Variants in FNBP4 observed in about 807,000 individuals in gnomAD.
The protein encoded by FNBP4 is formin binding protein 4.
Under a neutral mutation model 119.3 loss-of-function variants are expected in FNBP4, and 34 were observed. The ratio of observed to expected loss-of-function variants is 0.28; its 90% CI spans 0.22 to 0.38. The LOEUF (loss-of-function observed/expected upper bound fraction) is 0.38. Ranked by LOEUF, FNBP4 falls within the 10% of genes least tolerant of loss-of-function variation. The pLI is 1.00. For missense variants in FNBP4, 1,112 were observed against 1,228.9 expected (o/e 0.90, Z 1.42); for synonymous variants, 462 against 430.6 (o/e 1.07, Z -0.90).
intron 12 of FNBP4, among the ~76,000 whole-genome samples, chr11:47,728,256 ATTTTTT>A (rs1039932845): frequency 6.6e-6 from 1 of 150,970 alleles, no homozygotes; most frequent in Non-Finnish European, 1.5e-5. Context: ...CAAATTCTTA[ATTTTTT>A]TTTAAGACGG....
intron 12 of FNBP4, chr11:47,726,864 A>C (rs529444177): frequency 6.6e-6 from 1 of 152,332 alleles, no homozygotes; most frequent in African/African-American, 2.4e-5. Context: ...AATATAAGTT[A>C]AGATTTTCTC....
chr11:47,746,000 C>A, intron 7 of FNBP4, 56 bp downstream of exon 7: 1 of 1,360,558 alleles, frequency 7.3e-7, no homozygotes, highest in South Asian at 1.4e-5. Context: ...GCACAATGAT[C>A]CCTGTAGAGT....
At chr11:47,759,496 G>A (rs1271823071) in intron 2 of FNBP4, among the ~76,000 whole-genome samples, 1 of 151,972 alleles carries the variant, frequency 6.6e-6, no homozygotes, top group Non-Finnish European at 1.5e-5. Flanking sequence ...TTACAGGCGT[G>A]AACCATGGCG....
At chr11:47,745,342 A>G (rs2097588278) in intron 7 of FNBP4, among the ~76,000 whole-genome samples, 1 of 152,118 alleles carries the variant, frequency 6.6e-6, no homozygotes, top group Non-Finnish European at 1.5e-5. Flanking sequence ...AGCAAGGAAT[A>G]TTAATATTAA....
intron 6 of FNBP4, 21 bp downstream of exon 6, chr11:47,750,895 G>C (rs2097601832): frequency 1.2e-6 from 2 of 1,612,218 alleles, no homozygotes; most frequent in South Asian, 2.2e-5. Flanking sequence ...ATAAACAAAT[G>C]AGGTAAGTTT....
Position 47,767,061 on chromosome 11 carries a change from A to C in FNBP4, c.220+8T>G, listed in dbSNP as rs1015272187. 2 of 1,523,808 alleles carry C rather than the reference A, an allele frequency of 1.3e-6. No homozygotes were observed. The highest frequency in any genetic ancestry group is 1.8e-6 in the Non-Finnish European group (2 of 1,142,326). 94.4% of individuals were successfully genotyped at this position (1,523,808 alleles called of 1,614,324 possible). On this transcript the variant is annotated splice_region_variant and intron_variant, in intron 1 of 16. Coordinates refer to ENST00000263773, the MANE Select transcript of FNBP4 (RefSeq NM_015308.5). The stretch of plus-strand genomic sequence containing the variant: ...AGCTCGAGTTCAGGTCCCCCCGCGC[A>C]CCCTTGCCTTCTGAAGGCGAGTCGT...
At chr11:47,760,029 T>A (rs1236103932) in intron 2 of FNBP4, among the ~76,000 whole-genome samples, 1 of 152,172 alleles carries the variant, frequency 6.6e-6, no homozygotes. Flanking sequence ...AAAGTTTCAA[T>A]CAGGTAAGCT....
Position 47,732,091 on chromosome 11 carries a change from T to C in FNBP4, c.1820+446A>G, listed in dbSNP as rs1358707386. ...GAAAAAAAAATCAAGAAAAGCCAAA[T>C]ATATAAAGAAATGTTTTCATCTGAC... On this transcript the variant is annotated intron_variant, in intron 11 of 16. Coordinates refer to ENST00000263773, the MANE Select transcript of FNBP4 (RefSeq NM_015308.5). The surrounding 1 kb of genome is among the most constrained non-coding windows in gnomAD (Gnocchi z 4.2). 1.2e-5 allele frequency: 12 copies of C among 993,790 alleles called. No individual in the cohort carries two copies. Among genetic ancestry groups the C allele is most frequent in the South Asian group, 4.6e-5 (1 of 21,508 alleles). 61.6% of individuals were successfully genotyped at this position (993,790 alleles called of 1,614,324 possible). A position where few individuals can be genotyped will look rare whatever the true frequency, so the allele number is the denominator to read the frequency against.
intron 15 of FNBP4, among the ~76,000 whole-genome samples, chr11:47,722,533 G>T (rs761873728): frequency 1.3e-5 from 2 of 152,034 alleles, no homozygotes; most frequent in African/African-American, 4.8e-5. Flanking sequence ...CAGCACTTGA[G>T]ACAAACAGAT....
At chr11:47,721,340 T>TCAG (rs2097555459) in intron 15 of FNBP4, among the ~76,000 whole-genome samples, 1 of 151,962 alleles carries the variant, frequency 6.6e-6, no homozygotes, top group South Asian at 2.1e-4. Context: ...ACCTGTAATC[T>TCAG]CAGCACTTTG....
intron 9 of FNBP4, among the ~76,000 whole-genome samples, chr11:47,736,178 T>C (rs922744673): frequency 4.0e-5 from 6 of 148,818 alleles, no homozygotes; most frequent in Admixed American, 4.0e-4. Context: ...GAGGCAGAGG[T>C]TGCAGTGAGC....
At chr11:47,718,904 TG>T (rs1416116391) in intron 16 of FNBP4, among the ~76,000 whole-genome samples, 47 of 132,812 alleles carry the variant, frequency 3.5e-4, no homozygotes, top group Admixed American at 2.3e-3. Flanking sequence ...CCACCCAACA[TG>T]TTTTTTTTTT....
chr11:47,759,505 C>T (rs10742820), intron 2 of FNBP4, among the ~76,000 whole-genome samples: 87,977 of 151,646 alleles, frequency 0.58, 25,802 homozygotes, highest in Admixed American at 0.65. Flanking sequence ...TGAACCATGG[C>T]GCCCGGCCCA....
At chr11:47,719,693 A>C (rs2097553504) in intron 16 of FNBP4, among the ~76,000 whole-genome samples, 1 of 152,082 alleles carries the variant, frequency 6.6e-6, no homozygotes, top group African/African-American at 2.4e-5. Flanking sequence ...ACCAACAATC[A>C]ACTGGACAAA....
chr11:47,767,268 C>A lies in FNBP4; in HGVS notation c.21G>T (p.Ala7=). 3 of 1,542,274 alleles carry A rather than the reference C, an allele frequency of 1.9e-6. No homozygotes were observed. Among genetic ancestry groups the A allele is most frequent in the East Asian group, 4.8e-5 (2 of 41,384 alleles). Residue 7 remains alanine (A), a synonymous_variant, in exon 1 of 17, where the codon GCG becomes GCT. Transcript: ENST00000263773. ...GCAGGATGGGCCTACGGCCGGGTACCGCCCGGGACTTCTTCCCCATCGCGA... is the reference window on the plus strand; with the variant it reads ...GCAGGATGGGCCTACGGCCGGGTACAGCCCGGGACTTCTTCCCCATCGCGA... MGKKSR[A]VPGRRPILQL... is the part of the protein sequence containing the mutation.
Position 47,746,145 on chromosome 11 carries a change from C to T in FNBP4, c.1156G>A (p.Asp386Asn). 2 of 1,614,182 alleles carry T rather than the reference C, an allele frequency of 1.2e-6. No homozygotes were observed. Among genetic ancestry groups the T allele is most frequent in the Non-Finnish European group, 1.7e-6 (2 of 1,180,020 alleles). Residue 386 changes from aspartate to asparagine, a missense_variant, in exon 7 of 17, where the codon GAT becomes AAT. Transcript: ENST00000263773. ...CCAGATTGGACAACACTGCAAAGAT[C>T]CTCCTGAGAAGGGTCTTCTATATTG... ...LDNIEDPSQE[D>N]LCSVVQSGES... is the part of the protein sequence containing the mutation.
chr11:47,761,310 A>C (rs969757438), intron 2 of FNBP4, among the ~76,000 whole-genome samples: 3 of 152,206 alleles, frequency 2.0e-5, no homozygotes, highest in Admixed American at 2.0e-4. Context: ...GAAAAATCTC[A>C]GAGGCTGGGC....
chr11:47,751,085 G>T, intron 5 of FNBP4, 49 bp from the exon 6 acceptor site: 1 of 1,612,480 alleles, frequency 6.2e-7, no homozygotes, highest in Non-Finnish European at 8.5e-7. Context: ...AATACTATCA[G>T]CAAAAGATAA....
chr11:47,747,566 GA>G (rs1025670805), intron 6 of FNBP4, among the ~76,000 whole-genome samples: 1 of 151,954 alleles, frequency 6.6e-6, no homozygotes, highest in African/African-American at 2.4e-5. Context: ...CTCAGCCTCC[GA>G]AAGTGCTGGG....
Sources: allele counts gnomAD v4.1 joint callset (sites outside exome capture counted in the v4.1 genomes callset), GRCh38; gene constraint gnomAD v4.1.1; non-coding constraint Gnocchi (gnomAD v3.1); transcripts MANE v1.5; gene names NCBI Gene and HGNC (gene_info 2026-07-23, HGNC 2026-07-21).